ANKRD13B: variants seen among roughly 807,000 people sequenced by gnomAD.
ANKRD13B encodes the protein ankyrin repeat domain 13B.
Under a neutral mutation model 74.4 loss-of-function variants are expected in ANKRD13B, and 33 were observed. The ratio of observed to expected loss-of-function variants is 0.44; its 90% CI spans 0.34 to 0.59. The LOEUF is 0.59. Ranked by LOEUF, ANKRD13B falls within the 20% of genes least tolerant of loss-of-function variation. The probability of loss-of-function intolerance (pLI) is 0.02; values close to 1 mark genes in which losing one functional copy is unlikely to be tolerated. For missense variants in ANKRD13B, 676 were observed against 877.9 expected (o/e 0.77, Z 2.91); for synonymous variants, 341 against 362.9 (o/e 0.94, Z 0.68).
intron 1 of ANKRD13B, among the ~76,000 whole-genome samples, chr17:29,605,527 G>A (rs1039335455): frequency 6.6e-6 from 1 of 152,100 alleles, no homozygotes; most frequent in African/African-American, 2.4e-5. Flanking sequence ...GAGTGCAGAG[G>A]TGTGATGATA....
intron 1 of ANKRD13B, 33 bp from the exon 2 acceptor site, chr17:29,607,709 G>T (rs748368660): frequency 1.9e-6 from 3 of 1,582,500 alleles, no homozygotes; most frequent in Admixed American, 1.7e-5. Flanking sequence ...GACGTGACTG[G>T]GGCTTTATCT....
intron 1 of ANKRD13B, among the ~76,000 whole-genome samples, chr17:29,597,628 T>C (rs1268590686): frequency 6.6e-6 from 1 of 152,098 alleles, no homozygotes; most frequent in East Asian, 1.9e-4. Context: ...GCTAGAGGCC[T>C]CTGCTGAGGA....
At position 29,609,111 on chromosome 17, in the gene ANKRD13B, T is replaced by G. The variant is rs374807459; in HGVS notation, c.591T>G (p.Ile197Met). ...ACACAAGCGCCGTGGTCATGGAGAT[T>G]GACCACGACCGCCGGGTGGTGTACA... Reference protein sequence around the residue: ...GQDTSAVVMEIDHDRRVVYTE... With the variant: ...GQDTSAVVMEMDHDRRVVYTE... Residue 197 changes from isoleucine to methionine, a missense_variant, in exon 6 of 15, where the codon ATT becomes ATG. Ile to Met is a conservative substitution (Grantham distance 10). Around this residue, in one of 4 missense-constraint regions of ANKRD13B, gnomAD observed 328 missense variants for 518.4 expected, o/e 0.63. Coordinates refer to ENST00000394859, the MANE Select transcript of ANKRD13B (RefSeq NM_152345.5). This position sits in a 1 kb window ranked among gnomAD's most constrained non-coding sequence, Gnocchi z 4.0. The G allele has an allele frequency of 2.7e-5, 44 of 1,610,914 alleles. No individual in the cohort carries two copies. Among genetic ancestry groups the G allele is most frequent in the Non-Finnish European group, 2.2e-5 (26 of 1,179,842 alleles).
chr17:29,613,663 T>C lies in ANKRD13B; in HGVS notation c.*81T>C. The C allele has an allele frequency of 2.2e-6, 3 of 1,371,798 alleles. No homozygotes were observed. Among genetic ancestry groups the C allele is most frequent in the Non-Finnish European group, 2.8e-6 (3 of 1,067,086 alleles). The allele number at this position is 1,371,798 out of a possible 1,614,324, so 85.0% of individuals were successfully genotyped here. A position where few individuals can be genotyped will look rare whatever the true frequency, so the allele number is the denominator to read the frequency against. ...CCAGACAAACCCCGGCCTGCGCGCC[T>C]GCAGAGCGGCGGCTGGAGACTGGAG... On this transcript the variant is annotated 3_prime_UTR_variant, in exon 15 of 15. Coordinates refer to ENST00000394859, the MANE Select transcript of ANKRD13B (RefSeq NM_152345.5).
intron 1 of ANKRD13B, among the ~76,000 whole-genome samples, chr17:29,602,431 G>A (rs1475230890): frequency 3.3e-5 from 5 of 151,950 alleles, no homozygotes; most frequent in African/African-American, 4.8e-5. Context: ...GTCACAGTTC[G>A]GGAGACATAA....
At position 29,593,512 on chromosome 17, in the gene ANKRD13B, G is replaced by A. The variant is rs1054881920; in HGVS notation, c.-110G>A. 5.6e-4 allele frequency: 176 copies of A among 315,394 alleles called. No homozygotes were observed. The highest frequency in any genetic ancestry group is 3.9e-3 in the African/African-American group (169 of 43,674). The allele number at this position is 315,394 out of a possible 1,614,324, so 19.5% of individuals were successfully genotyped here. ...GCCGCTCGCACATGCCCGAGCCGCAGCCCCGCGAGCAGGCAGCGCCGGCCC... is the reference window on the plus strand; with the variant it reads ...GCCGCTCGCACATGCCCGAGCCGCAACCCCGCGAGCAGGCAGCGCCGGCCC... On this transcript the variant is annotated 5_prime_UTR_variant, in exon 1 of 15. Transcript: ENST00000394859.
chr17:29,607,433 G>A (rs956151838), intron 1 of ANKRD13B, among the ~76,000 whole-genome samples: 2 of 152,246 alleles, frequency 1.3e-5, no homozygotes, highest in African/African-American at 4.8e-5. Context: ...AGGCCACTGG[G>A]CCCTGGAGGA....
rs752789986 is a variant in ANKRD13B, at chr17:29,607,863, G to A, written c.236G>A (p.Arg79His). Residue 79 changes from arginine (R) to histidine (H), a missense_variant, in exon 2 of 15, where the codon CGC becomes CAC. Coordinates refer to ENST00000394859, the MANE Select transcript of ANKRD13B (RefSeq NM_152345.5). ...AHGADVGREN[R>H]SGWTVLQEAV... The stretch of plus-strand genomic sequence containing the variant: ...GGCGCAGACGTGGGCAGGGAGAATC[G>A]CAGCGGCTGGACAGGTGGGCAGCCC... 116 of 1,600,722 alleles carry A rather than the reference G, an allele frequency of 7.2e-5. No individual in the cohort carries two copies. The highest frequency in any genetic ancestry group is 1.3e-4 in the South Asian group (12 of 90,596).
Position 29,608,929 on chromosome 17 carries a change from C to T in ANKRD13B, c.500C>T (p.Thr167Ile). Residue 167 changes from threonine to isoleucine, a missense_variant, in exon 5 of 15, where the codon ACA becomes ATA. By Grantham distance (89) the Thr-to-Ile change is moderately conservative. This residue lies in a region of ANKRD13B where 328 missense variants were observed against 518.4 expected (regional missense o/e 0.63). Transcript: ENST00000394859. This position sits in a 1 kb window ranked among gnomAD's most constrained non-coding sequence, Gnocchi z 6.4. ...GGCCAGAACCTGAGGGTAGACACCA[C>T]ACTCCTGGGCTTTGACCACATGACC... ...KSGQNLRVDT[T>I]LLGFDHMTWQ... 1 of 1,614,132 alleles carries T rather than the reference C, an allele frequency of 6.2e-7. No individual in the cohort carries two copies. The highest frequency in any genetic ancestry group is 8.5e-7 in the Non-Finnish European group (1 of 1,180,034).
intron 1 of ANKRD13B, among the ~76,000 whole-genome samples, chr17:29,598,842 G>A (rs1054989413): frequency 2.6e-5 from 4 of 152,070 alleles, no homozygotes; most frequent in African/African-American, 7.2e-5. Context: ...TGAGCCCCCC[G>A]GCATAAACAA....
chr17:29,601,330 T>C (rs2034170825), intron 1 of ANKRD13B, among the ~76,000 whole-genome samples: 1 of 151,964 alleles, frequency 6.6e-6, no homozygotes, highest in Admixed American at 6.6e-5. Flanking sequence ...CAAGCGATTC[T>C]TGTGCCTCAG....
intron 1 of ANKRD13B, among the ~76,000 whole-genome samples, chr17:29,599,908 G>A (rs936560202): frequency 1.9e-5 from 2 of 107,406 alleles, no homozygotes; most frequent in African/African-American, 3.8e-5. Flanking sequence ...ACGGAGTCTC[G>A]CTCTGTCCCC....
chr17:29,609,032 G>A lies in ANKRD13B; in HGVS notation c.565+38G>A, dbSNP rs374236380. On this transcript the variant is annotated intron_variant, in intron 5 of 14. Transcript: ENST00000394859. The surrounding 1 kb of genome is among the most constrained non-coding windows in gnomAD (Gnocchi z 4.0). The stretch of plus-strand genomic sequence containing the variant: ...GGAAGTGGGGCAGGGTGGGGACGAT[G>A]GGAGGCAGCCCCAGGCCACCCCTGA... 1.8e-5 allele frequency: 29 copies of A among 1,613,290 alleles called. No individual in the cohort carries two copies. In the African/African-American group the frequency reaches 3.2e-4, roughly 18 times the overall value.
intron 1 of ANKRD13B, among the ~76,000 whole-genome samples, chr17:29,601,773 A>G (rs1158773730): frequency 2.0e-5 from 3 of 152,188 alleles, no homozygotes; most frequent in East Asian, 3.8e-4. Context: ...AGAAAAAAAA[A>G]AAAAGAATTC....
At position 29,612,793 on chromosome 17, in the gene ANKRD13B, A is replaced by G; in HGVS notation, c.1553A>G (p.Glu518Gly). The G allele has an allele frequency of 6.2e-7, 1 of 1,603,186 alleles. No individual in the cohort carries two copies. The highest frequency in any genetic ancestry group is 8.5e-7 in the Non-Finnish European group (1 of 1,178,576). Residue 518 changes from glutamate to glycine, a missense_variant, in exon 13 of 15, where the codon GAG becomes GGG. Coordinates refer to ENST00000394859, the MANE Select transcript of ANKRD13B (RefSeq NM_152345.5). The surrounding 1 kb of genome is among the most constrained non-coding windows in gnomAD (Gnocchi z 6.1). ...LQFAIQQSLL[E>G]AGSEYDQVTI... ...TTCGCCATCCAGCAGAGCCTGCTTG[A>G]GGCGGGCAGTGAGTATGACCAGGTG...
intron 1 of ANKRD13B, among the ~76,000 whole-genome samples, chr17:29,602,256 G>A (rs1399463350): frequency 6.6e-6 from 1 of 152,114 alleles, no homozygotes; most frequent in Admixed American, 6.6e-5. Context: ...TTAGCCGGGC[G>A]TGGTGGTGGG....
rs2034564262 is a variant in ANKRD13B, at chr17:29,611,104, G to T, written c.904+338G>T. ...ACATATCCTAGGTAGAAAGTCAGGG[G>T]ACCTTGCCACAGATTCTGTATGCCC... is the stretch of plus-strand genomic sequence containing the variant. On this transcript the variant is annotated intron_variant, in intron 8 of 14. Transcript: ENST00000394859. The surrounding 1 kb of genome is among the most constrained non-coding windows in gnomAD (Gnocchi z 4.3). Among the ~76,000 whole-genome samples the T allele has an allele frequency of 6.6e-6, 1 of 152,198 alleles. No individual in the cohort carries two copies. The highest frequency in any genetic ancestry group is 1.5e-5 in the Non-Finnish European group (1 of 68,020).
chr17:29,603,679 C>G (rs1006866186), intron 1 of ANKRD13B, among the ~76,000 whole-genome samples: 1 of 152,098 alleles, frequency 6.6e-6, no homozygotes, highest in African/African-American at 2.4e-5. Context: ...GTGAATTTTT[C>G]ATTTCAGTTA....
intron 1 of ANKRD13B, among the ~76,000 whole-genome samples, chr17:29,603,877 CTT>C (rs71138837): frequency 6.0e-4 from 71 of 117,910 alleles, no homozygotes; most frequent in African/African-American, 8.6e-4. Flanking sequence ...TATTTTCTTT[CTT>C]TTTTTTTTTT....
Sources: gnomAD v4.1 joint callset for allele counts (sites outside exome capture counted in the v4.1 genomes callset) on GRCh38, gnomAD v4.1.1 for gene constraint, gnomAD v4.1.1 regional missense constraint, Gnocchi (gnomAD v3.1) non-coding constraint, MANE v1.5 for transcripts, NCBI Gene and HGNC (gene_info 2026-07-23, HGNC 2026-07-21) for gene names.